Variants in GABRB1 observed in about 807,000 individuals in gnomAD.
The protein encoded by GABRB1 is gamma-aminobutyric acid type A receptor subunit beta1.
GABRB1 carries 17 observed loss-of-function variants against 51.6 expected under a neutral mutation model. That is an observed-to-expected ratio of 0.33 (90% CI 0.23 to 0.49). The LOEUF is 0.49. Ranked by LOEUF, GABRB1 falls within the 20% of genes least tolerant of loss-of-function variation. The pLI, the probability that GABRB1 is intolerant of heterozygous loss-of-function variation, is 0.99. For synonymous variants in GABRB1, 247 were observed against 218.9 expected (o/e 1.13, Z -1.14); for missense variants, 410 against 600.6 (o/e 0.68, Z 3.32).
chr4:47,028,786 T>C (rs1030632509), upstream of GABRB1, among the ~76,000 whole-genome samples: 3 of 149,080 alleles, frequency 2.0e-5, no homozygotes, highest in African/African-American at 7.4e-5. Flanking sequence ...ACCATATATA[T>C]GTATATGTGT....
intron 8 of GABRB1, among the ~76,000 whole-genome samples, chr4:47,424,595 G>C (rs1252901935): frequency 6.6e-6 from 1 of 152,058 alleles, no homozygotes; most frequent in African/African-American, 2.4e-5. Context: ...TGTTTACTAA[G>C]ATTAATCTCA....
At chr4:47,347,808 G>A (rs535452286) in intron 5 of GABRB1, among the ~76,000 whole-genome samples, 1 of 152,258 alleles carries the variant, frequency 6.6e-6, no homozygotes, top group Non-Finnish European at 1.5e-5. Context: ...AGGTGACTGT[G>A]ATAATAATGA....
At chr4:47,011,059 T>G (rs1048555408) in intron 1 of GABRB1, among the ~76,000 whole-genome samples, 1 of 152,126 alleles carries the variant, frequency 6.6e-6, no homozygotes, top group Non-Finnish European at 1.5e-5. Context: ...TTGGTGTGAA[T>G]AAGTTTTAGT....
chr4:47,215,766 T>C (rs1477905614), intron 4 of GABRB1, among the ~76,000 whole-genome samples: 1 of 152,026 alleles, frequency 6.6e-6, no homozygotes, highest in Non-Finnish European at 1.5e-5. Flanking sequence ...TTACAAGAAA[T>C]AAACCCATTT....
At chr4:47,320,770 CTTTTTTT>C (rs11313211) in intron 5 of GABRB1, among the ~76,000 whole-genome samples, 26 of 105,032 alleles carry the variant, frequency 2.5e-4, no homozygotes, top group African/African-American at 8.4e-4. Flanking sequence ...TTTCTTTTTT[CTTTTTTT>C]TTTTTTTTTT....
intron 3 of GABRB1, among the ~76,000 whole-genome samples, chr4:47,125,555 A>ATTTTTTTTTTTTTTTTT (rs570181191): frequency 9.5e-5 from 2 of 21,022 alleles, no homozygotes; most frequent in South Asian, 2.8e-3. Context: ...ACAAAGTATA[A>ATTTTTTTTTTTTTTTTT]TTTCTTTTTT....
At chr4:47,148,675 C>T (rs1717286602) in intron 3 of GABRB1, among the ~76,000 whole-genome samples, 1 of 151,644 alleles carries the variant, frequency 6.6e-6, no homozygotes, top group South Asian at 2.1e-4. Flanking sequence ...AAATGCTGGC[C>T]TTCCCTTGGC....
intron 8 of GABRB1, among the ~76,000 whole-genome samples, chr4:47,419,582 G>C (rs957798478): frequency 1.3e-5 from 2 of 152,192 alleles, no homozygotes; most frequent in African/African-American, 2.4e-5. Flanking sequence ...ACAGGAGACT[G>C]TAACATCAAG....
At chr4:47,276,249 T>A (rs371871506) in intron 4 of GABRB1, among the ~76,000 whole-genome samples, 1 of 152,122 alleles carries the variant, frequency 6.6e-6, no homozygotes, top group African/African-American at 2.4e-5. Flanking sequence ...TCATTAAATG[T>A]TAAGGAATAA....
chr4:47,203,717 C>A (rs1383238224), intron 4 of GABRB1, among the ~76,000 whole-genome samples: 4 of 152,042 alleles, frequency 2.6e-5, no homozygotes, highest in African/African-American at 9.7e-5. Flanking sequence ...GTCCCATGGG[C>A]ACAACACCAG....
At chr4:47,425,228 G>A (rs1198602931) in intron 8 of GABRB1, among the ~76,000 whole-genome samples, 4 of 152,190 alleles carry the variant, frequency 2.6e-5, no homozygotes, top group Admixed American at 6.5e-5. Flanking sequence ...GAATGAACCT[G>A]TGTTTGCAAG....
intron 4 of GABRB1, among the ~76,000 whole-genome samples, chr4:47,172,592 C>T (rs921817162): frequency 6.8e-6 from 1 of 146,222 alleles, no homozygotes; most frequent in Admixed American, 6.8e-5. Flanking sequence ...TGAAGTAGGC[C>T]TTGCATTTCT....
chr4:47,287,450 T>C (rs925146059), intron 4 of GABRB1, among the ~76,000 whole-genome samples: 4 of 152,332 alleles, frequency 2.6e-5, no homozygotes, highest in African/African-American at 9.6e-5. Context: ...TTCTTCTCTC[T>C]ACCTAGAATG....
chr4:47,403,626 C>A lies in GABRB1; in HGVS notation c.750C>A (p.Thr250=). ...ACATTGGTTACTTCATTTTGCAAAC[C>A]TACATGCCTTCTACACTGATTACAA... ...KRNIGYFILQ[T]YMPSTLITIL... Residue 250 remains threonine, a synonymous_variant, in exon 7 of 9, where the codon ACC becomes ACA. Coordinates refer to ENST00000295454, the MANE Select transcript of GABRB1 (RefSeq NM_000812.4). 5 of 1,613,936 alleles carry A rather than the reference C, an allele frequency of 3.1e-6. No individual in the cohort carries two copies. Among genetic ancestry groups the A allele is most frequent in the Non-Finnish European group, 4.2e-6 (5 of 1,179,902 alleles).
At position 47,071,225 on chromosome 4, in the gene GABRB1, G is replaced by C. The variant is rs192093871; in HGVS notation, c.240+38741G>C. On this transcript the variant is annotated intron_variant, in intron 3 of 8. Transcript: ENST00000295454. ...TTGCTATTGCTATTGTCTAAATTCTGAATGATAGCAAAAGCTTCTGAACTA... is the reference window on the plus strand; with the variant it reads ...TTGCTATTGCTATTGTCTAAATTCTCAATGATAGCAAAAGCTTCTGAACTA... 4.7e-4 allele frequency among the ~76,000 whole-genome samples: 71 copies of C among 152,252 alleles called. No homozygotes were observed. In the East Asian group the frequency reaches 9.8e-3, roughly 21 times the overall value.
chr4:47,048,463 C>T (rs916131881), intron 3 of GABRB1, among the ~76,000 whole-genome samples: 2 of 152,112 alleles, frequency 1.3e-5, no homozygotes, highest in East Asian at 3.8e-4. Context: ...TCATACTGTG[C>T]TGGATAAGAG....
intron 3 of GABRB1, among the ~76,000 whole-genome samples, chr4:47,146,770 C>T (rs1215611615): frequency 6.6e-6 from 1 of 152,046 alleles, no homozygotes; most frequent in Non-Finnish European, 1.5e-5. Flanking sequence ...ATAAAACCCA[C>T]TTTTCTAGAT....
At chr4:47,008,978 C>T (rs994624528) in intron 1 of GABRB1, among the ~76,000 whole-genome samples, 6 of 146,246 alleles carry the variant, frequency 4.1e-5, no homozygotes, top group Admixed American at 1.4e-4. Context: ...ATTCTCCTGC[C>T]TCAGCCTCCC....
At chr4:47,157,935 A>T (rs1383791792) in intron 3 of GABRB1, among the ~76,000 whole-genome samples, 1 of 152,056 alleles carries the variant, frequency 6.6e-6, no homozygotes, top group Non-Finnish European at 1.5e-5. Context: ...GCATATGTTC[A>T]TTTTCACTGG....
Sources: allele counts gnomAD v4.1 joint callset (sites outside exome capture counted in the v4.1 genomes callset), GRCh38; gene constraint gnomAD v4.1.1; transcripts MANE v1.5; gene names NCBI Gene and HGNC (gene_info 2026-07-23, HGNC 2026-07-21).